The following ZNF827 variants were observed in gnomAD, a reference collection of about 807,000 sequenced individuals.
ZNF827 encodes zinc finger protein 827.
In ZNF827, 13 loss-of-function variants were observed where a neutral mutation model predicts 102.4. The ratio of observed to expected loss-of-function variants is 0.13; its 90% CI spans 0.08 to 0.20. ZNF827 has a LOEUF of 0.20. Among genes scored for constraint, ZNF827 ranks in the 10% least tolerant of loss-of-function variants. The probability of loss-of-function intolerance (pLI) is 1.00; values close to 1 mark genes in which losing one functional copy is unlikely to be tolerated. For synonymous variants in ZNF827, 523 were observed against 536.2 expected, an observed-to-expected ratio of 0.98 and a Z score of 0.34; for missense variants, 1,103 against 1,344.4, an observed-to-expected ratio of 0.82 and a Z score of 2.81.
chr4:145,764,848 G>A, intron 13 of ZNF827, 140 bp downstream of exon 13: 1 of 1,117,726 alleles, frequency 8.9e-7, no homozygotes, highest in Admixed American at 1.9e-5. Context: ...AAAGGCAGCA[G>A]GGGTTCCTGA....
chr4:145,805,125 T>TTGTGTGTGTG (rs35536912), intron 8 of ZNF827, among the ~76,000 whole-genome samples: 33 of 148,376 alleles, frequency 2.2e-4, no homozygotes, highest in Admixed American at 4.7e-4. Flanking sequence ...GCAATTCCTT[T>TTGTGTGTGTG]TGTGTGTGTG....
chr4:145,837,288 C>T (rs899034112), intron 7 of ZNF827, among the ~76,000 whole-genome samples: 4 of 152,148 alleles, frequency 2.6e-5, no homozygotes, highest in Admixed American at 2.6e-4. Context: ...TAAAACACAC[C>T]TCACCAAGCT....
At chr4:145,909,164 C>G (rs1752086533) in intron 1 of ZNF827, among the ~76,000 whole-genome samples, 1 of 152,212 alleles carries the variant, frequency 6.6e-6, no homozygotes, top group Non-Finnish European at 1.5e-5. Context: ...ACCATACTCA[C>G]TAGTTTTGAA....
At chr4:145,820,928 T>A (rs1202475823) in intron 8 of ZNF827, among the ~76,000 whole-genome samples, 3 of 152,220 alleles carry the variant, frequency 2.0e-5, no homozygotes, top group African/African-American at 7.2e-5. Context: ...TCCTCAACTG[T>A]AGCTTCAGTG....
At chr4:145,820,466 T>C (rs1301582737) in intron 8 of ZNF827, among the ~76,000 whole-genome samples, 1 of 152,208 alleles carries the variant, frequency 6.6e-6, no homozygotes, top group Non-Finnish European at 1.5e-5. Context: ...TTAATGGTAG[T>C]GTTTAAACTA....
chr4:145,902,925 C>T lies in ZNF827; in HGVS notation c.334G>A (p.Asp112Asn). 1.9e-6 allele frequency: 3 copies of T among 1,614,162 alleles called. No homozygotes were observed. Among genetic ancestry groups the T allele is most frequent in the Non-Finnish European group, 1.7e-6 (2 of 1,180,030 alleles). Reference protein sequence around the residue: ...SPGVSSLCDDDPGSNKPLSSN... With the variant: ...SPGVSSLCDDNPGSNKPLSSN... The stretch of plus-strand genomic sequence containing the variant: ...CTCAGGGGCTTGTTGGAGCCTGGGT[C>T]ATCGTCACACAAAGAAGACACTCCC... The change falls in exon 2 of 15, where the codon GAC (aspartate) becomes AAC (asparagine). Residue 112 changes from aspartate to asparagine, a missense_variant. Asp to Asn is a conservative substitution (Grantham distance 23). Transcript: ENST00000508784. This position sits in a 1 kb window ranked among gnomAD's most constrained non-coding sequence, Gnocchi z 4.3.
At chr4:145,775,751 T>G in intron 10 of ZNF827, 38 bp downstream of exon 10, 1 of 1,611,442 alleles carries the variant, frequency 6.2e-7, no homozygotes, top group Non-Finnish European at 8.5e-7. Flanking sequence ...GTCAAGAGTC[T>G]GAGAAAGGCG....
chr4:145,905,893 T>C (rs932182883), intron 1 of ZNF827, among the ~76,000 whole-genome samples: 6 of 152,166 alleles, frequency 3.9e-5, no homozygotes, highest in African/African-American at 1.2e-4. Context: ...AACGGGAAAA[T>C]ATATTATTCA....
At chr4:145,907,361 C>T in intron 1 of ZNF827, 3 of 371,666 alleles carry the variant, frequency 8.1e-6, no homozygotes, top group South Asian at 6.0e-5. Context: ...TCCTTTCACA[C>T]TACATCGTGA....
chr4:145,849,512 C>T lies in ZNF827; in HGVS notation c.2031G>A (p.Met677Ile). Residue 677 changes from methionine (M) to isoleucine (I), a missense_variant, in exon 6 of 15, where the codon ATG becomes ATA. This residue lies in a region of ZNF827 where 243 missense variants were observed against 251.6 expected (regional missense o/e 0.97). Coordinates refer to ENST00000508784, the MANE Select transcript of ZNF827 (RefSeq NM_001306215.2). ...TQMVKIKEEP[M>I]EVDIQDSHVS... ...CATGGGAGTCCTGGATGTCAACCTC[C>T]ATGGGTTCCTCTTTAATCTTCACCA... The T allele has an allele frequency of 1.2e-6, 2 of 1,614,188 alleles. No homozygotes were observed. The highest frequency in any genetic ancestry group is 1.7e-6 in the Non-Finnish European group (2 of 1,180,024).
At chr4:145,876,462 G>T (rs1408683554) in intron 4 of ZNF827, 1 of 152,196 alleles carries the variant, frequency 6.6e-6, no homozygotes, top group Non-Finnish European at 1.5e-5. Context: ...TGCAGCTTTT[G>T]ACCATAGCTA....
At chr4:145,907,074 A>G in intron 1 of ZNF827, 1 of 456,784 alleles carries the variant, frequency 2.2e-6, no homozygotes, top group Non-Finnish European at 4.4e-6. Flanking sequence ...GGTTAAATAA[A>G]TGGTGAGAGG....
At chr4:145,833,061 CT>C (rs1744410582) in intron 7 of ZNF827, 1 of 201,654 alleles carries the variant, frequency 5.0e-6, no homozygotes, top group Middle Eastern at 2.0e-3. Flanking sequence ...GATCAATCCC[CT>C]GTCCTCCTGT....
rs1335402116 is a variant in ZNF827, at chr4:145,763,073, G to A, written c.*17+17C>T. ...GGTCAGGTGCACACACAACCCCTAC[G>A]CCAAGCTGGGCCTTACCTAGAGGAG... On this transcript the variant is annotated intron_variant, in intron 14 of 14. Coordinates refer to ENST00000508784, the MANE Select transcript of ZNF827 (RefSeq NM_001306215.2). This position sits in a 1 kb window ranked among gnomAD's most constrained non-coding sequence, Gnocchi z 4.6. The A allele has an allele frequency of 9.8e-6, 15 of 1,535,430 alleles. No homozygotes were observed. The highest frequency in any genetic ancestry group is 3.6e-5 in the South Asian group (3 of 84,012).
intron 11 of ZNF827, among the ~76,000 whole-genome samples, chr4:145,773,622 G>A (rs978173938): frequency 2.6e-5 from 4 of 152,182 alleles, no homozygotes; most frequent in African/African-American, 9.7e-5. Flanking sequence ...ACCATCACTT[G>A]TGAGAGTATA....
intron 5 of ZNF827, among the ~76,000 whole-genome samples, chr4:145,868,237 C>T (rs1176519768): frequency 2.0e-5 from 3 of 152,198 alleles, no homozygotes; most frequent in Non-Finnish European, 2.9e-5. Flanking sequence ...GCGCAAATCA[C>T]ATGAATGGAT....
At chr4:145,894,334 A>G (rs903455300) in intron 2 of ZNF827, among the ~76,000 whole-genome samples, 27 of 152,200 alleles carry the variant, frequency 1.8e-4, no homozygotes, top group Non-Finnish European at 2.9e-5. Context: ...CCACTGAAGG[A>G]TTGTGGATTA....
intron 9 of ZNF827, among the ~76,000 whole-genome samples, chr4:145,776,175 G>A (rs552013261): frequency 4.6e-5 from 7 of 152,176 alleles, no homozygotes; most frequent in East Asian, 1.9e-4. Context: ...GAAAATCTCC[G>A]GCTGGGCACT....
rs1751455651 is a variant in ZNF827 at position 145,902,047 on chromosome 4, TG to T, written c.1093+118del. 7.5e-7 allele frequency: 1 copy of T among 1,330,750 alleles called. No homozygotes were observed. Among genetic ancestry groups the T allele is most frequent in the Non-Finnish European group, 1.0e-6 (1 of 988,258 alleles). The allele number at this position is 1,330,750 out of a possible 1,614,324, so 82.4% of individuals were successfully genotyped here. ...ACTTAAAGTATTTTTGTTGTGCTCT[TG>T]CTTTTTTATTCCTGCCTCAGATCAG... On this transcript the variant is annotated intron_variant, in intron 2 of 14. Coordinates refer to ENST00000508784, the MANE Select transcript of ZNF827 (RefSeq NM_001306215.2). The surrounding 1 kb of genome is among the most constrained non-coding windows in gnomAD (Gnocchi z 4.3).
Sources: allele counts gnomAD v4.1 joint callset (sites outside exome capture counted in the v4.1 genomes callset), GRCh38; gene constraint gnomAD v4.1.1; regional missense constraint gnomAD v4.1.1; non-coding constraint Gnocchi (gnomAD v3.1); transcripts MANE v1.5; gene names NCBI Gene and HGNC (gene_info 2026-07-23, HGNC 2026-07-21).